The following PEX5 variants were observed in gnomAD, a reference collection of about 807,000 sequenced individuals.
The protein encoded by PEX5 is peroxisomal biogenesis factor 5, also known as PTS1 receptor.
Under a neutral mutation model 82.9 loss-of-function variants are expected in PEX5, and 52 were observed. The ratio of observed to expected loss-of-function variants is 0.63; its 90% CI spans 0.50 to 0.79. PEX5 has a LOEUF of 0.79. PEX5 is among the 30% of genes least tolerant of loss of function. The pLI, the probability that PEX5 is intolerant of heterozygous loss-of-function variation, is 0.00. For synonymous variants in PEX5, 300 were observed against 318.8 expected, an observed-to-expected ratio of 0.94 and a Z score of 0.63; for missense variants, 719 against 815.2, an observed-to-expected ratio of 0.88 and a Z score of 1.44.
At chr12:7,194,836 A>T (rs1354402462) in intron 5 of PEX5, among the ~76,000 whole-genome samples, 2 of 152,168 alleles carry the variant, frequency 1.3e-5, no homozygotes, top group Non-Finnish European at 2.9e-5. Context: ...GTTGGAGGAG[A>T]GGCTTTGGAA....
At chr12:7,216,755 G>C (rs1002595734) in intron 17 of PEX5, among the ~76,000 whole-genome samples, 1 of 151,936 alleles carries the variant, frequency 6.6e-6, no homozygotes, top group Non-Finnish European at 1.5e-5. Context: ...TAGTCTTTAC[G>C]TGACTATTAA....
chr12:7,189,638 G>T (rs1437884771), upstream of PEX5: 2 of 322,640 alleles, frequency 6.2e-6, no homozygotes, highest in Non-Finnish European at 1.1e-5. Flanking sequence ...GCTGCGGGGC[G>T]GTCACGGCCC....
chr12:7,205,339 G>C (rs1248429560), intron 10 of PEX5, among the ~76,000 whole-genome samples: 1 of 152,172 alleles, frequency 6.6e-6, no homozygotes, highest in East Asian at 1.9e-4. Context: ...TGAATTCCAT[G>C]TCAATAGAAC....
chr12:7,195,083 G>C (rs769577958), intron 5 of PEX5, among the ~76,000 whole-genome samples: 1 of 152,198 alleles, frequency 6.6e-6, no homozygotes, highest in South Asian at 2.1e-4. Context: ...CCTACAACTT[G>C]TATTCTTCTC....
At chr12:7,207,051 T>G (rs756705184) in intron 10 of PEX5, among the ~76,000 whole-genome samples, 1 of 152,354 alleles carries the variant, frequency 6.6e-6, no homozygotes, top group East Asian at 1.9e-4. Flanking sequence ...CTCTGCCATC[T>G]GGATTTTGGG....
At chr12:7,192,716 A>C (rs1032567445) in intron 5 of PEX5, among the ~76,000 whole-genome samples, 2 of 152,118 alleles carry the variant, frequency 1.3e-5, no homozygotes, top group African/African-American at 4.8e-5. Flanking sequence ...GATTAAAGGG[A>C]CTGAATTGGT....
chr12:7,209,311 G>C, intron 14 of PEX5, 141 bp downstream of exon 14: 1 of 855,576 alleles, frequency 1.2e-6, no homozygotes, highest in Non-Finnish European at 1.9e-6. Flanking sequence ...CTTGAGCCTG[G>C]GAGTTCAAAT....
rs2136230787 is a variant in PEX5, at chr12:7,208,050, A to G, written c.1151A>G (p.Gln384Arg). 5 of 1,613,992 alleles carry G rather than the reference A, an allele frequency of 3.1e-6. No homozygotes were observed. The highest frequency in any genetic ancestry group is 1.3e-5 in the African/African-American group (1 of 75,036). The change falls in exon 12 of 16, where the codon CAA becomes CGA. Residue 384 changes from glutamine to arginine, a missense_variant. Physicochemically the swap from Gln to Arg is conservative, Grantham distance 43. Coordinates refer to ENST00000675855, the MANE Select transcript of PEX5 (RefSeq NM_001351132.2). ...YLGTTQAENE[Q>R]ELLAISALRR... The stretch of plus-strand genomic sequence containing the variant: ...GGTACCACCCAGGCAGAGAATGAAC[A>G]AGAACTATTAGCCATCAGTGCATTG...
At chr12:7,213,696 CA>C (rs1365390226), downstream of PEX5, among the ~76,000 whole-genome samples, 1 of 148,902 alleles carries the variant, frequency 6.7e-6, no homozygotes, top group Non-Finnish European at 1.5e-5. Flanking sequence ...ACACCAAAAG[CA>C]ATGGCAACAA....
Position 7,202,688 on chromosome 12 carries a change from C to G in PEX5, c.830C>G (p.Ala277Gly). The G allele has an allele frequency of 6.2e-7, 1 of 1,613,338 alleles. No individual in the cohort carries two copies. Among genetic ancestry groups the G allele is most frequent in the Non-Finnish European group, 8.5e-7 (1 of 1,179,376 alleles). Residue 277 changes from alanine (A) to glycine (G), a missense_variant, in exon 9 of 16, where the codon GCC (alanine) becomes GGC (glycine). Transcript: ENST00000675855. ...GCCCTTGATATGGAGTTTGAACGAGCCAAGTCAGCTATAGAGGTGAGAGCA... is the reference window on the plus strand; with the variant it reads ...GCCCTTGATATGGAGTTTGAACGAGGCAAGTCAGCTATAGAGGTGAGAGCA... The part of the protein sequence containing the change: ...TSALDMEFER[A>G]KSAIESDVDF...
At chr12:7,198,505 A>T (rs965341108) in intron 5 of PEX5, among the ~76,000 whole-genome samples, 3 of 152,180 alleles carry the variant, frequency 2.0e-5, no homozygotes, top group Non-Finnish European at 1.5e-5. Context: ...CTAGCATTCC[A>T]CTTCTCTGAT....
downstream of PEX5, among the ~76,000 whole-genome samples, chr12:7,214,516 TAAG>T (rs1945721678): frequency 7.8e-6 from 1 of 128,804 alleles, no homozygotes; most frequent in Admixed American, 9.9e-5. Context: ...AATTGAACAA[TAAG>T]AACACATGGA....
chr12:7,210,046 G>C lies in PEX5; in HGVS notation c.1743G>C (p.Glu581Asp). The C allele has an allele frequency of 6.2e-7, 1 of 1,614,228 alleles. No individual in the cohort carries two copies. The highest frequency in any genetic ancestry group is 8.5e-7 in the Non-Finnish European group (1 of 1,180,050). The change falls in exon 16 of 16, where the codon GAG (glutamate) becomes GAC (aspartate). Residue 581 changes from glutamate (E) to aspartate (D), a missense_variant. Coordinates refer to ENST00000675855, the MANE Select transcript of PEX5 (RefSeq NM_001351132.2). The part of the protein sequence containing the change: ...AHREAVEHFL[E>D]ALNMQRKSRG... ...GGGAGGCTGTGGAGCACTTTCTGGA[G>C]GCCCTGAACATGCAGAGGAAAAGCC...
rs1445547751 is a variant in PEX5, at chr12:7,210,050, C to T, written c.1747C>T (p.Leu583=). 1 of 1,614,208 alleles carries T rather than the reference C, an allele frequency of 6.2e-7. No homozygotes were observed. Among genetic ancestry groups the T allele is most frequent in the Non-Finnish European group, 8.5e-7 (1 of 1,180,044 alleles). Residue 583 remains leucine, a synonymous_variant, in exon 16 of 16, where the codon CTG becomes TTG. Transcript: ENST00000675855. ...REAVEHFLEA[L]NMQRKSRGPR... ...GGCTGTGGAGCACTTTCTGGAGGCC[C>T]TGAACATGCAGAGGAAAAGCCGGGG...
chr12:7,202,071 C>T (rs1944139538), intron 7 of PEX5, 170 bp from the exon 8 acceptor site: 1 of 1,065,952 alleles, frequency 9.4e-7, no homozygotes, highest in South Asian at 1.4e-5. Context: ...TCTTTAGAGC[C>T]AGAAATCCCT....
chr12:7,197,313 TC>T, intron 5 of PEX5, among the ~76,000 whole-genome samples: 2 of 46,852 alleles, frequency 4.3e-5, no homozygotes, highest in Admixed American at 2.0e-4. Flanking sequence ...TATAATGTAA[TC>T]ATATGTCATA....
At chr12:7,218,321 AAACTATTC>A (rs1325372154) in intron 17 of PEX5, 2 of 152,200 alleles carry the variant, frequency 1.3e-5, no homozygotes, top group African/African-American at 4.8e-5. Context: ...AGAGACGGGC[AAACTATTC>A]TAGGTCAAAG....
Position 7,190,499 on chromosome 12 carries a change from C to A in PEX5, c.122C>A (p.Pro41His), listed in dbSNP as rs772786048. The change falls in exon 2 of 16, where the codon CCC becomes CAC. Residue 41 changes from proline (P) to histidine (H), a missense_variant. By Grantham distance (77) the Pro-to-His change is moderately conservative. Transcript: ENST00000675855. Reference protein sequence around the residue: ...RQEGLRPGPWPPGAPASEAAS... With the variant: ...RQEGLRPGPWHPGAPASEAAS... Reference sequence around the variant, plus strand: ...GAGGGATTGAGGCCTGGCCCCTGGCCCCCCGGAGCCCCGGCCTCTGAGGCA... The same window carrying A: ...GAGGGATTGAGGCCTGGCCCCTGGCACCCCGGAGCCCCGGCCTCTGAGGCA... 1 of 1,613,110 alleles carries A rather than the reference C, an allele frequency of 6.2e-7. No homozygotes were observed. Among genetic ancestry groups the A allele is most frequent in the Admixed American group, 1.7e-5 (1 of 59,934 alleles).
intron 5 of PEX5, among the ~76,000 whole-genome samples, chr12:7,197,553 T>G (rs1942984513): frequency 7.3e-6 from 1 of 137,472 alleles, no homozygotes; most frequent in East Asian, 2.1e-4. Flanking sequence ...ATATGTTATA[T>G]ATAATATAAT....
Sources: allele counts gnomAD v4.1 joint callset (sites outside exome capture counted in the v4.1 genomes callset), GRCh38; gene constraint gnomAD v4.1.1; transcripts MANE v1.5; gene names NCBI Gene and HGNC (gene_info 2026-07-23, HGNC 2026-07-21).